BTN1A1: variants seen among roughly 807,000 people sequenced by gnomAD.
BTN1A1 encodes bK14H9.2 (butyrophilin, subfamily 1, member A1).
BTN1A1 carries 26 observed loss-of-function variants against 33.1 expected under a neutral mutation model. That is an observed-to-expected ratio of 0.79 (90% CI 0.58 to 1.09). BTN1A1 has a LOEUF of 1.09. BTN1A1 is among the 50% of genes least tolerant of loss of function. The pLI is 0.00. For synonymous variants in BTN1A1, 235 were observed against 256.2 expected, an observed-to-expected ratio of 0.92 and a Z score of 0.79; for missense variants, 558 against 655.7, an observed-to-expected ratio of 0.85 and a Z score of 1.63.
In BTN1A1 at chr6:26,508,748, C is replaced by T; in HGVS notation, c.1155C>T (p.Asp385=). 2 of 1,614,094 alleles carry T rather than the reference C, an allele frequency of 1.2e-6. No homozygotes were observed. Among genetic ancestry groups the T allele is most frequent in the Non-Finnish European group, 1.7e-6 (2 of 1,180,020 alleles). The stretch of plus-strand genomic sequence containing the variant: ...AGAATGTGATGAAGAAAGGATTTGA[C>T]CCCATGACTCCTGAGAATGGGTTCT... ...CRENVMKKGF[D]PMTPENGFWA... is the part of the protein sequence containing the mutation. Residue 385 remains aspartate, a synonymous_variant, in exon 8 of 8, where the codon GAC becomes GAT. Transcript: ENST00000684113.
At chr6:26,508,180 T>C (rs1414103278) in intron 7 of BTN1A1, 93 bp downstream of exon 7, 9 of 1,413,394 alleles carry the variant, frequency 6.4e-6, no homozygotes, top group Non-Finnish European at 8.7e-6. Context: ...ACTAACACTT[T>C]AGTGATGAGG....
rs775847226 is a variant in BTN1A1, at chr6:26,508,931, T to G, written c.1338T>G (p.Thr446=). 3.7e-6 allele frequency: 6 copies of G among 1,614,232 alleles called. No homozygotes were observed. In the Admixed American group the frequency reaches 8.3e-5, roughly 22 times the overall value. The change falls in exon 8 of 8, where the codon ACT becomes ACG. Residue 446 remains threonine (T), a synonymous_variant. Transcript: ENST00000684113. ...YNMNDGSDIY[T]FSNVTFSGPL... Reference sequence around the variant, plus strand: ...TGAATGATGGATCTGATATCTATACTTTCTCCAATGTCACTTTCTCTGGCC... The same window carrying G: ...TGAATGATGGATCTGATATCTATACGTTCTCCAATGTCACTTTCTCTGGCC...
In BTN1A1 at chr6:26,508,690, A is replaced by G. The variant is rs1763904097; in HGVS notation, c.1097A>G (p.Asp366Gly). Residue 366 changes from aspartate to glycine, a missense_variant, in exon 8 of 8, where the codon GAC (aspartate) becomes GGC (glycine). Coordinates refer to ENST00000684113, the MANE Select transcript of BTN1A1 (RefSeq NM_001732.3). ...CATTACTGGGAGGTGGAGGTGGGAGACAGGACTGACTGGGCAATCGGCGTG... is the reference window on the plus strand; with the variant it reads ...CATTACTGGGAGGTGGAGGTGGGAGGCAGGACTGACTGGGCAATCGGCGTG... ...GRHYWEVEVG[D>G]RTDWAIGVCR... is the part of the protein sequence containing the mutation. 1 of 1,614,094 alleles carries G rather than the reference A, an allele frequency of 6.2e-7. No individual in the cohort carries two copies. The highest frequency in any genetic ancestry group is 8.5e-7 in the Non-Finnish European group (1 of 1,180,014).
chr6:26,509,031 G>A lies in BTN1A1; in HGVS notation c.1438G>A (p.Glu480Lys). The A allele has an allele frequency of 6.2e-7, 1 of 1,614,208 alleles. No homozygotes were observed. The highest frequency in any genetic ancestry group is 8.5e-7 in the Non-Finnish European group (1 of 1,180,038). ...CATCTGCCCAATTGCTGATGGGCCT[G>A]AGAGGGTCACAGTCATTGCTAATGC... Reference protein sequence around the residue: ...LTICPIADGPERVTVIANAQD... With the variant: ...LTICPIADGPKRVTVIANAQD... The change falls in exon 8 of 8, where the codon GAG becomes AAG. Residue 480 changes from glutamate (E) to lysine (K), a missense_variant. Physicochemically the swap from Glu to Lys is moderately conservative, Grantham distance 56. Transcript: ENST00000684113.
rs748831182 is a variant in BTN1A1 at position 26,508,753 on chromosome 6, T to C, written c.1160T>C (p.Met387Thr). The change falls in exon 8 of 8, where the codon ATG becomes ACG. Residue 387 changes from methionine (M) to threonine (T), a missense_variant. By Grantham distance (81) the Met-to-Thr change is moderately conservative (BLOSUM62 -1). Coordinates refer to ENST00000684113, the MANE Select transcript of BTN1A1 (RefSeq NM_001732.3). ...ENVMKKGFDP[M>T]TPENGFWAVE... is the part of the protein sequence containing the mutation. ...GTGATGAAGAAAGGATTTGACCCCA[T>C]GACTCCTGAGAATGGGTTCTGGGCT... 3 of 1,614,000 alleles carry C rather than the reference T, an allele frequency of 1.9e-6. No individual in the cohort carries two copies. Among genetic ancestry groups the C allele is most frequent in the Non-Finnish European group, 1.7e-6 (2 of 1,180,028 alleles).
In BTN1A1 at chr6:26,509,141, A is replaced by T. The variant is rs1463583129; in HGVS notation, c.1548A>T (p.Leu516=). ...PRDADTLHSK[L]IPTQPSQGAP ...ATGCAGACACTCTCCATTCTAAGCT[A>T]ATCCCTACCCAACCCAGCCAAGGGG... The change falls in exon 8 of 8, where the codon CTA becomes CTT. Residue 516 remains leucine, a synonymous_variant. Coordinates refer to ENST00000684113, the MANE Select transcript of BTN1A1 (RefSeq NM_001732.3). The T allele has an allele frequency of 6.2e-7, 1 of 1,613,384 alleles. No individual in the cohort carries two copies. The highest frequency in any genetic ancestry group is 8.5e-7 in the Non-Finnish European group (1 of 1,179,730).
At chr6:26,500,645 G>A (rs1441757424) in intron 1 of BTN1A1, among the ~76,000 whole-genome samples, 3 of 152,120 alleles carry the variant, frequency 2.0e-5, no homozygotes, top group Non-Finnish European at 2.9e-5. Context: ...GGCCAGGCAC[G>A]GTGGCTCACG....
chr6:26,508,035 A>G (rs752597546), intron 6 of BTN1A1, 26 bp from the exon 7 acceptor site: 5 of 1,612,440 alleles, frequency 3.1e-6, no homozygotes, highest in Non-Finnish European at 2.5e-6. Context: ...TAACCTGTCA[A>G]TGACTATCTT....
intron 3 of BTN1A1, among the ~76,000 whole-genome samples, chr6:26,503,715 T>C (rs1250510345): frequency 6.6e-6 from 1 of 151,184 alleles, no homozygotes; most frequent in Non-Finnish European, 1.5e-5. Flanking sequence ...GAAAAATACT[T>C]GGGTGAAATG....
intron 4 of BTN1A1, among the ~76,000 whole-genome samples, chr6:26,505,527 C>T (rs570083649): frequency 2.0e-5 from 3 of 152,134 alleles, no homozygotes; most frequent in Non-Finnish European, 2.9e-5. Context: ...CAGGTTCAAG[C>T]GATTCTCCTG....
chr6:26,501,537 T>C lies in BTN1A1; in HGVS notation c.80-53T>C. On this transcript the variant is annotated intron_variant, in intron 2 of 7. Transcript: ENST00000684113. This position sits in a 1 kb window ranked among gnomAD's most constrained non-coding sequence, Gnocchi z 5.2. The stretch of plus-strand genomic sequence containing the variant: ...CTTTGGCGGGAATCTGGTCGGTGTC[T>C]GTCCGTAGTTCCCATCTCCACATCC... The C allele has an allele frequency of 6.2e-7, 1 of 1,603,396 alleles. No individual in the cohort carries two copies. The highest frequency in any genetic ancestry group is 2.2e-5 in the East Asian group (1 of 44,734).
At position 26,506,596 on chromosome 6, in the gene BTN1A1, C is replaced by T. The variant is rs1439740906; in HGVS notation, c.710-87C>T. 5 of 1,435,564 alleles carry T rather than the reference C, an allele frequency of 3.5e-6. No individual in the cohort carries two copies. The African/African-American group carries it at 5.7e-5, about 16-fold the overall frequency. The allele number at this position is 1,435,564 out of a possible 1,614,324, so 88.9% of individuals were successfully genotyped here. A position where few individuals can be genotyped will look rare whatever the true frequency, so the allele number is the denominator to read the frequency against. ...GGATGAGAGTGGTCCAGGCCATCAC[C>T]TCTTCTACCCTCCTTTGGAATGTGG... On this transcript the variant is annotated intron_variant, in intron 4 of 7. Coordinates refer to ENST00000684113, the MANE Select transcript of BTN1A1 (RefSeq NM_001732.3).
At chr6:26,506,925 A>T (rs971236670) in intron 5 of BTN1A1, 93 bp downstream of exon 5, 1 of 1,470,146 alleles carries the variant, frequency 6.8e-7, no homozygotes, top group African/African-American at 1.4e-5. Flanking sequence ...TTAGGATGAC[A>T]GGAAGATATT....
chr6:26,508,209 A>G, intron 7 of BTN1A1, 122 bp downstream of exon 7: 2 of 1,274,046 alleles, frequency 1.6e-6, no homozygotes, highest in Non-Finnish European at 2.2e-6. Flanking sequence ...GGAAACGGTG[A>G]TGACAGATGG....
In BTN1A1 at chr6:26,509,307, C is replaced by G. The variant is rs1763914620; in HGVS notation, c.*133C>G. 2 of 836,766 alleles carry G rather than the reference C, an allele frequency of 2.4e-6. No homozygotes were observed. The highest frequency in any genetic ancestry group is 3.5e-5 in the South Asian group (2 of 56,746). The allele number at this position is 836,766 out of a possible 1,614,324, so 51.8% of individuals were successfully genotyped here. On this transcript the variant is annotated 3_prime_UTR_variant, in exon 8 of 8. Transcript: ENST00000684113. ...CAATTAATTAATCCTGTGAAGGTTA[C>G]ATTGCTGCTGCTAGAGAGGGTGGGG...
chr6:26,505,850 G>A (rs1172040508), intron 4 of BTN1A1, among the ~76,000 whole-genome samples: 1 of 152,032 alleles, frequency 6.6e-6, no homozygotes, highest in East Asian at 1.9e-4. Flanking sequence ...CGGGCGTGGT[G>A]GCTCACGCCT....
At position 26,509,116 on chromosome 6, in the gene BTN1A1, A is replaced by G; in HGVS notation, c.1523A>G (p.Asp508Gly). 2.5e-6 allele frequency: 4 copies of G among 1,613,904 alleles called. No homozygotes were observed. The highest frequency in any genetic ancestry group is 2.5e-6 in the Non-Finnish European group (3 of 1,179,874). ...SPMGEDSAPR[D>G]ADTLHSKLIP... ...ATGGGGGAGGACTCTGCCCCTAGGG[A>G]TGCAGACACTCTCCATTCTAAGCTA... The change falls in exon 8 of 8, where the codon GAT becomes GGT. Residue 508 changes from aspartate (D) to glycine (G), a missense_variant. By Grantham distance (94) the Asp-to-Gly change is moderately conservative. Coordinates refer to ENST00000684113, the MANE Select transcript of BTN1A1 (RefSeq NM_001732.3).
In BTN1A1 at chr6:26,501,730, G is replaced by A. The variant is rs1244708272; in HGVS notation, c.220G>A (p.Val74Met). ...GTTCCGAAAGAAGGTTTCGCCGGCC[G>A]TGCTGGTGCATAGGGACGGGCGCGA... is the stretch of plus-strand genomic sequence containing the variant. Reference protein sequence around the residue: ...RWFRKKVSPAVLVHRDGREQE... With the variant: ...RWFRKKVSPAMLVHRDGREQE... Residue 74 changes from valine (V) to methionine (M), a missense_variant, in exon 3 of 8, where the codon GTG becomes ATG. Val to Met is a conservative substitution (Grantham distance 21, BLOSUM62 1). Transcript: ENST00000684113. The surrounding 1 kb of genome is among the most constrained non-coding windows in gnomAD (Gnocchi z 5.2). 3 of 1,613,758 alleles carry A rather than the reference G, an allele frequency of 1.9e-6. No homozygotes were observed. Among genetic ancestry groups the A allele is most frequent in the East Asian group, 2.2e-5 (1 of 44,886 alleles).
In BTN1A1 at chr6:26,503,639, C is replaced by A. The variant is rs527767490; in HGVS notation, c.428-1286C>A. ...TATATATCATATATGTATATATTATCTAAATCTATATGCATATATTATATA... is the reference window on the plus strand; with the variant it reads ...TATATATCATATATGTATATATTATATAAATCTATATGCATATATTATATA... On this transcript the variant is annotated intron_variant, in intron 3 of 7. Coordinates refer to ENST00000684113, the MANE Select transcript of BTN1A1 (RefSeq NM_001732.3). Among the ~76,000 whole-genome samples the A allele has an allele frequency of 6.5e-4, 97 of 148,664 alleles. 1 individual carries two copies. The highest frequency in any genetic ancestry group is 2.3e-3 in the African/African-American group (95 of 40,778).
Sources: gnomAD v4.1 joint callset for allele counts (sites outside exome capture counted in the v4.1 genomes callset) on GRCh38, gnomAD v4.1.1 for gene constraint, Gnocchi (gnomAD v3.1) non-coding constraint, MANE v1.5 for transcripts, NCBI Gene and HGNC (gene_info 2026-07-23, HGNC 2026-07-21) for gene names.